Variants in CDC45 observed in about 807,000 individuals in gnomAD.
The protein encoded by CDC45 is cell division cycle 45, also known as cell division control protein 45 homolog.
Under a neutral mutation model 77.8 loss-of-function variants are expected in CDC45, and 54 were observed. The observed-to-expected ratio is 0.69, with a 90% CI of 0.56 to 0.87. The LOEUF (loss-of-function observed/expected upper bound fraction) is 0.87, where lower values mean the gene tolerates loss of function less well. Among genes scored for constraint, CDC45 ranks in the 40% least tolerant of loss-of-function variants. The pLI is 0.00. For synonymous variants in CDC45, 260 were observed against 272.1 expected (o/e 0.96, Z 0.44); for missense variants, 649 against 721.6 (o/e 0.90, Z 1.15).
intron 18 of CDC45, among the ~76,000 whole-genome samples, chr22:19,519,185 T>C (rs1473688976): frequency 6.6e-6 from 1 of 152,218 alleles, no homozygotes; most frequent in Non-Finnish European, 1.5e-5. Context: ...ACACTTGGGC[T>C]GGGCATCGCG....
Position 19,516,904 on chromosome 22 carries a change from C to T in CDC45, c.1636+11C>T, listed in dbSNP as rs754812585. On this transcript the variant is annotated intron_variant, in intron 17 of 18. Transcript: ENST00000263201. ...ATTTTGACCTCTCAGGTGAGAGTCT[C>T]CTGCCACTCTGCCACACTTTCCCAC... 11 of 1,608,274 alleles carry T rather than the reference C, an allele frequency of 6.8e-6. No individual in the cohort carries two copies. Among genetic ancestry groups the T allele is most frequent in the African/African-American group, 1.3e-5 (1 of 74,916 alleles).
chr22:19,486,797 C>T (rs557357900), intron 5 of CDC45, among the ~76,000 whole-genome samples: 21 of 152,250 alleles, frequency 1.4e-4, no homozygotes, highest in African/African-American at 4.6e-4. Context: ...CTGCCTCAGA[C>T]TCCCAAGTAG....
chr22:19,497,514 C>T, intron 8 of CDC45, 67 bp downstream of exon 8: 1 of 1,332,096 alleles, frequency 7.5e-7, no homozygotes, highest in Non-Finnish European at 1.1e-6. Context: ...ATAAGCAGCT[C>T]TGTCCTCCCA....
intron 9 of CDC45, among the ~76,000 whole-genome samples, chr22:19,502,135 A>G (rs999768347): frequency 6.6e-6 from 1 of 152,290 alleles, no homozygotes; most frequent in South Asian, 2.1e-4. Flanking sequence ...TAAACCAACA[A>G]TATTCATCTT....
At chr22:19,494,488 T>A in intron 6 of CDC45, 106 bp downstream of exon 6, 1 of 1,559,208 alleles carries the variant, frequency 6.4e-7, no homozygotes, top group East Asian at 2.4e-5. Context: ...ATTTATTGAG[T>A]TTAGAACCTT....
intron 11 of CDC45, 54 bp from the exon 12 acceptor site, chr22:19,507,712 A>G (rs1933277457): frequency 6.9e-7 from 1 of 1,448,868 alleles, no homozygotes; most frequent in African/African-American, 1.4e-5. Flanking sequence ...GTTTCTTTCC[A>G]CCCTGTCGGT....
intron 9 of CDC45, among the ~76,000 whole-genome samples, chr22:19,499,421 T>C (rs1173669033): frequency 1.3e-5 from 2 of 152,002 alleles, no homozygotes; most frequent in African/African-American, 4.8e-5. Flanking sequence ...TGCTGGGTGC[T>C]ACCAGCAGGG....
chr22:19,513,088 A>T (rs1933602938), intron 13 of CDC45, among the ~76,000 whole-genome samples: 1 of 152,206 alleles, frequency 6.6e-6, no homozygotes, highest in Non-Finnish European at 1.5e-5. Context: ...TCATCTATTC[A>T]TGAGGGGTCT....
intron 13 of CDC45, among the ~76,000 whole-genome samples, chr22:19,511,810 T>C (rs188612815): frequency 6.6e-6 from 1 of 152,312 alleles, no homozygotes; most frequent in Admixed American, 6.5e-5. Flanking sequence ...TTTGGTGTCA[T>C]ATCTAAGAAA....
At chr22:19,507,666 C>T (rs954496900) in intron 11 of CDC45, 100 bp from the exon 12 acceptor site, 4 of 1,346,024 alleles carry the variant, frequency 3.0e-6, no homozygotes, top group Middle Eastern at 1.8e-4. Flanking sequence ...CTTCTGAATG[C>T]TGGTGCGGGG....
chr22:19,508,558 A>G lies in CDC45; in HGVS notation c.1084A>G (p.Ser362Gly), dbSNP rs772912757. ...GAAGGACATGCGCGTGCAGACTTTC[A>G]GCATTCATTTTGGGTTCAAGCACAA... ...GMKDMRVQTF[S>G]IHFGFKHKFL... The change falls in exon 13 of 19, where the codon AGC (serine) becomes GGC (glycine). Residue 362 changes from serine to glycine, a missense_variant. Physicochemically the swap from Ser to Gly is moderately conservative, Grantham distance 56 (BLOSUM62 0). Transcript: ENST00000263201. 6.2e-7 allele frequency: 1 copy of G among 1,614,204 alleles called. No individual in the cohort carries two copies. The highest frequency in any genetic ancestry group is 8.5e-7 in the Non-Finnish European group (1 of 1,180,044).
At position 19,494,341 on chromosome 22, in the gene CDC45, A is replaced by G; in HGVS notation, c.501A>G (p.Gln167=). ...CCCTGTATCAGGAGATAGTGGAGCA[A>G]ACCATGCGGAGGAGGCAGCGGCGAG... ...RTRLEEEIVE[Q]TMRRRQRREW... Residue 167 remains glutamine (Q), a synonymous_variant, in exon 6 of 19, where the codon CAA becomes CAG. Coordinates refer to ENST00000263201, the MANE Select transcript of CDC45 (RefSeq NM_003504.5). 1 of 1,612,830 alleles carries G rather than the reference A, an allele frequency of 6.2e-7. No individual in the cohort carries two copies. The highest frequency in any genetic ancestry group is 8.5e-7 in the Non-Finnish European group (1 of 1,179,974).
chr22:19,518,676 A>G (rs1933936240), intron 17 of CDC45, among the ~76,000 whole-genome samples, 168 bp from the exon 18 acceptor site: 1 of 152,130 alleles, frequency 6.6e-6, no homozygotes, highest in Non-Finnish European at 1.5e-5. Context: ...AGTTGTGAAG[A>G]TGAAGTACAG....
At position 19,514,536 on chromosome 22, in the gene CDC45, C is replaced by A. The variant is rs376978052; in HGVS notation, c.1218-213C>A. ...AGTTTCCTGTCTTCTGATACTTGCA[C>A]CCGCTCCACCTCTCATTTGCATTAC... On this transcript the variant is annotated intron_variant, in intron 13 of 18. Transcript: ENST00000263201. 1.6e-4 allele frequency among the ~76,000 whole-genome samples: 24 copies of A among 152,280 alleles called. No individual in the cohort carries two copies. The East Asian group carries it at 2.1e-3, about 13-fold the overall frequency.
intron 9 of CDC45, 58 bp from the exon 10 acceptor site, chr22:19,505,304 G>T: frequency 6.2e-7 from 1 of 1,612,048 alleles, no homozygotes; most frequent in Non-Finnish European, 8.5e-7. Context: ...CCTAGGCTTA[G>T]GCTGCCTGGT....
intron 9 of CDC45, 77 bp from the exon 10 acceptor site, chr22:19,505,285 G>C: frequency 6.3e-7 from 1 of 1,588,820 alleles, no homozygotes; most frequent in African/African-American, 1.3e-5. Flanking sequence ...GCCTTGAGCG[G>C]GAATGGAGCC....
chr22:19,516,183 G>A (rs960762132), intron 15 of CDC45, among the ~76,000 whole-genome samples: 3 of 152,170 alleles, frequency 2.0e-5, no homozygotes, highest in Non-Finnish European at 4.4e-5. Context: ...GGACCTGAAG[G>A]AGGTGAGGGA....
chr22:19,513,978 C>T (rs780119152), intron 13 of CDC45, among the ~76,000 whole-genome samples: 10 of 152,114 alleles, frequency 6.6e-5, no homozygotes, highest in South Asian at 2.1e-4. Context: ...TTTTAATTTC[C>T]ATCAACATTT....
chr22:19,482,653 C>T (rs373253893), intron 3 of CDC45, 37 bp from the exon 4 acceptor site: 50 of 1,602,912 alleles, frequency 3.1e-5, no homozygotes, highest in Middle Eastern at 1.7e-4. Flanking sequence ...GGGGCCTCCT[C>T]GATATAGCTA....
Sources: gnomAD v4.1 joint callset for allele counts (sites outside exome capture counted in the v4.1 genomes callset) on GRCh38, gnomAD v4.1.1 for gene constraint, MANE v1.5 for transcripts, NCBI Gene and HGNC (gene_info 2026-07-23, HGNC 2026-07-21) for gene names.